FAM13A: variants seen among roughly 807,000 people sequenced by gnomAD.
FAM13A encodes the protein family with sequence similarity 13 member A, also known as protein FAM13A.
In FAM13A, 76 loss-of-function variants were observed where a neutral mutation model predicts 129.6. The observed-to-expected ratio is 0.59, with a 90% CI of 0.49 to 0.71. The LOEUF (loss-of-function observed/expected upper bound fraction) is 0.71. Ranked by LOEUF, FAM13A falls within the 30% of genes least tolerant of loss-of-function variation. The probability of loss-of-function intolerance (pLI) is 0.00; values close to 1 mark genes in which losing one functional copy is unlikely to be tolerated. For synonymous variants in FAM13A, 443 were observed against 449.9 expected (o/e 0.98, Z 0.20); for missense variants, 1,108 against 1,249.3 (o/e 0.89, Z 1.70).
chr4:88,738,279 G>C (rs1739425949), intron 20 of FAM13A, among the ~76,000 whole-genome samples: 1 of 152,194 alleles, frequency 6.6e-6, no homozygotes, highest in Non-Finnish European at 1.5e-5. Context: ...CTAAAAGCCA[G>C]CAGAGGAGAT....
chr4:88,931,112 A>T (rs1268588407), intron 5 of FAM13A, among the ~76,000 whole-genome samples: 1 of 152,026 alleles, frequency 6.6e-6, no homozygotes, highest in Non-Finnish European at 1.5e-5. Context: ...TCTCAGTCTC[A>T]ACAGCAGCTC....
intron 3 of FAM13A, among the ~76,000 whole-genome samples, chr4:89,011,512 G>A (rs1404457236): frequency 6.6e-6 from 1 of 152,034 alleles, no homozygotes; most frequent in Admixed American, 6.5e-5. Context: ...ATCTTACACA[G>A]CACTGCCTAA....
In FAM13A at chr4:88,804,256, TAAATAAATAAATAAAATA is replaced by T. The variant is rs1728118007; in HGVS notation, c.1049+737_1049+754del. Among the ~76,000 whole-genome samples, 6 of 151,858 alleles carry T rather than the reference TAAATAAATAAATAAAATA, an allele frequency of 4.0e-5. No individual in the cohort carries two copies. In the South Asian group the frequency reaches 1.2e-3, roughly 32 times the overall value. On this transcript the variant is annotated intron_variant, in intron 8 of 23. Coordinates refer to ENST00000264344, the MANE Select transcript of FAM13A (RefSeq NM_014883.4). The stretch of plus-strand genomic sequence containing the variant: ...CAACAGAGTGAGATTCCGTCAAAAA[TAAATAAATAAATAAAATA>T]AAATAAATAAAAAGCAGTATACTTC...
At chr4:88,855,541 TAAAA>T (rs1295091192) in intron 6 of FAM13A, 1 of 151,780 alleles carries the variant, frequency 6.6e-6, no homozygotes, top group Non-Finnish European at 1.5e-5. Context: ...GTTTAGCAAA[TAAAA>T]AAGCAAAAGG....
intron 6 of FAM13A, among the ~76,000 whole-genome samples, chr4:88,866,948 T>C (rs1161925287): frequency 1.3e-5 from 2 of 152,192 alleles, no homozygotes; most frequent in Non-Finnish European, 2.9e-5. Context: ...AAAGGGTACA[T>C]ACATGTGGCA....
intron 18 of FAM13A, 97 bp downstream of exon 18, chr4:88,747,534 G>T: frequency 1.0e-6 from 1 of 981,166 alleles, no homozygotes; most frequent in Non-Finnish European, 1.6e-6. Flanking sequence ...GCTTAACAAG[G>T]CATCATCTTC....
intron 6 of FAM13A, among the ~76,000 whole-genome samples, chr4:88,871,907 T>A (rs927706984): frequency 1.5e-4 from 23 of 152,216 alleles, no homozygotes; most frequent in African/African-American, 5.1e-4. Flanking sequence ...AAGGTCGGGT[T>A]ACCCACAAAG....
intron 6 of FAM13A, among the ~76,000 whole-genome samples, chr4:88,887,634 G>T (rs1744667149): frequency 1.3e-5 from 2 of 150,586 alleles, no homozygotes; most frequent in Non-Finnish European, 2.9e-5. Flanking sequence ...GGGATCAAGT[G>T]ATTCTCTTGC....
At chr4:88,930,370 A>AT (rs1378593140) in intron 5 of FAM13A, among the ~76,000 whole-genome samples, 5 of 151,888 alleles carry the variant, frequency 3.3e-5, no homozygotes, top group Admixed American at 1.3e-4. Context: ...CTGAAGATGT[A>AT]TTTTTTCTGG....
intron 3 of FAM13A, among the ~76,000 whole-genome samples, chr4:88,999,338 A>G (rs551529160): frequency 2.0e-5 from 3 of 152,336 alleles, no homozygotes; most frequent in African/African-American, 7.2e-5. Flanking sequence ...CCTCATATCT[A>G]CAATAAAGGT....
intron 14 of FAM13A, among the ~76,000 whole-genome samples, chr4:88,756,053 C>T (rs1378870237): frequency 6.6e-6 from 1 of 152,228 alleles, no homozygotes; most frequent in Admixed American, 6.5e-5. Flanking sequence ...CTCAAATCAA[C>T]ATAATTGACT....
At chr4:88,856,543 A>C (rs930751055) in intron 6 of FAM13A, among the ~76,000 whole-genome samples, 1 of 152,014 alleles carries the variant, frequency 6.6e-6, no homozygotes. Flanking sequence ...AAAACCAAAA[A>C]ACCCAAACTC....
chr4:88,752,973 A>T (rs1232591579), intron 14 of FAM13A, among the ~76,000 whole-genome samples: 1 of 152,234 alleles, frequency 6.6e-6, no homozygotes, highest in Non-Finnish European at 1.5e-5. Flanking sequence ...GGGGCAGGGC[A>T]CGGAGCTTTC....
chr4:88,810,267 G>A (rs1729420624), intron 7 of FAM13A, among the ~76,000 whole-genome samples: 1 of 152,052 alleles, frequency 6.6e-6, no homozygotes, highest in African/African-American at 2.4e-5. Context: ...TCTGTTTAGT[G>A]GAAATTTGAA....
At chr4:88,858,127 T>C (rs148157761) in intron 6 of FAM13A, among the ~76,000 whole-genome samples, 261 of 152,322 alleles carry the variant, frequency 1.7e-3, no homozygotes, top group Middle Eastern at 0.01. Context: ...AGAAACTACA[T>C]TGGCTCTAAC....
At chr4:88,870,676 T>C (rs1361681575) in intron 6 of FAM13A, among the ~76,000 whole-genome samples, 1 of 152,192 alleles carries the variant, frequency 6.6e-6, no homozygotes, top group Non-Finnish European at 1.5e-5. Context: ...CTCTGCAGAC[T>C]CTACCTCTGG....
At chr4:88,925,334 A>C (rs1001316783) in intron 5 of FAM13A, among the ~76,000 whole-genome samples, 6 of 152,236 alleles carry the variant, frequency 3.9e-5, no homozygotes, top group African/African-American at 1.2e-4. Flanking sequence ...GACTGGATTA[A>C]GAAAATGTGG....
Position 88,826,788 on chromosome 4 carries a change from T to C in FAM13A, c.1008-21736A>G, listed in dbSNP as rs551793112. 3.3e-5 allele frequency among the ~76,000 whole-genome samples: 5 copies of C among 152,288 alleles called. No homozygotes were observed. In the East Asian group the frequency reaches 9.7e-4, roughly 29 times the overall value. On this transcript the variant is annotated intron_variant, in intron 7 of 23. Coordinates refer to ENST00000264344, the MANE Select transcript of FAM13A (RefSeq NM_014883.4). ...GTTTAGGAGAAAGGGTCCTCACATA[T>C]AGGTCTCAAGCCTCTTATCTGTGTA...
At chr4:88,990,347 A>C (rs553641608) in intron 4 of FAM13A, 1 of 152,342 alleles carries the variant, frequency 6.6e-6, no homozygotes, top group East Asian at 1.9e-4. Flanking sequence ...TAACTAGAAG[A>C]ATGTATTTGA....
Sources: gnomAD v4.1 joint callset for allele counts (sites outside exome capture counted in the v4.1 genomes callset) on GRCh38, gnomAD v4.1.1 for gene constraint, MANE v1.5 for transcripts, NCBI Gene and HGNC (gene_info 2026-07-23, HGNC 2026-07-21) for gene names.